Variants in KLF7 observed in about 807,000 individuals in gnomAD.
KLF7 encodes Krueppel-like factor 7.
In KLF7, 2 loss-of-function variants were observed where a neutral mutation model predicts 27.3. That is an observed-to-expected ratio of 0.07 (90% CI 0.03 to 0.23). KLF7 has a LOEUF of 0.23. KLF7 is among the 10% of genes least tolerant of loss of function. The pLI, the probability that KLF7 is intolerant of heterozygous loss-of-function variation, is 1.00. For synonymous variants in KLF7, 165 were observed against 162.4 expected, an observed-to-expected ratio of 1.02 and a Z score of -0.12; for missense variants, 221 against 394.1, an observed-to-expected ratio of 0.56 and a Z score of 3.72.
chr2:207,126,461 C>G lies in KLF7; in HGVS notation c.103-2057G>C, dbSNP rs368060815. On this transcript the variant is annotated intron_variant, in intron 1 of 3. Coordinates refer to ENST00000309446, the MANE Select transcript of KLF7 (RefSeq NM_003709.4). ...ACTCTTCAATAGCCATCTTTGAAACCCTACCCTGTACCATGCTGAGGGGGC... is the reference window on the plus strand; with the variant it reads ...ACTCTTCAATAGCCATCTTTGAAACGCTACCCTGTACCATGCTGAGGGGGC... Among the ~76,000 whole-genome samples, 22 of 152,234 alleles carry G rather than the reference C, an allele frequency of 1.4e-4. No homozygotes were observed. In the East Asian group the frequency reaches 3.5e-3, roughly 24 times the overall value.
chr2:207,154,456 A>G (rs536117024), intron 1 of KLF7, among the ~76,000 whole-genome samples: 3 of 152,330 alleles, frequency 2.0e-5, no homozygotes, highest in Admixed American at 6.5e-5. Flanking sequence ...CACAAAGGGT[A>G]TTGCTAGTCC....
At chr2:207,123,680 G>A in intron 2 of KLF7, 94 bp downstream of exon 2, 2 of 1,361,902 alleles carry the variant, frequency 1.5e-6, no homozygotes, top group Admixed American at 2.2e-5. Context: ...CATCAGCAGG[G>A]GTGCCACTCC....
At chr2:207,148,422 A>G (rs552072466) in intron 1 of KLF7, among the ~76,000 whole-genome samples, 1 of 152,248 alleles carries the variant, frequency 6.6e-6, no homozygotes, top group Non-Finnish European at 1.5e-5. Context: ...CCAAGCCACC[A>G]TGCGGTACTG....
chr2:207,095,515 T>C (rs570153137), intron 2 of KLF7, among the ~76,000 whole-genome samples: 1 of 152,356 alleles, frequency 6.6e-6, no homozygotes, highest in East Asian at 1.9e-4. Flanking sequence ...GAAAAGATTT[T>C]GACTGAATAC....
upstream of KLF7, among the ~76,000 whole-genome samples, chr2:207,168,451 A>C (rs1044705128): frequency 6.6e-6 from 1 of 152,210 alleles, no homozygotes; most frequent in South Asian, 2.1e-4. Context: ...AGGTCTCACA[A>C]CCTGGAAGTG....
rs912615612 is a variant in KLF7, at chr2:207,124,555, T to C, written c.103-151A>G. ...TTAGTAGAAGGTCTGACCTTGTTATTTATTCTCTGAATACCTCTGAAAGGT... is the reference window on the plus strand; with the variant it reads ...TTAGTAGAAGGTCTGACCTTGTTATCTATTCTCTGAATACCTCTGAAAGGT... On this transcript the variant is annotated intron_variant, in intron 1 of 3. Transcript: ENST00000309446. 1.6e-5 allele frequency: 11 copies of C among 706,094 alleles called. No individual in the cohort carries two copies. In the African/African-American group the frequency reaches 2.0e-4, roughly 13 times the overall value. The allele number at this position is 706,094 out of a possible 1,614,324, so 43.7% of individuals were successfully genotyped here.
chr2:207,158,563 C>A (rs1360500856), intron 1 of KLF7, among the ~76,000 whole-genome samples: 1 of 152,112 alleles, frequency 6.6e-6, no homozygotes, highest in African/African-American at 2.4e-5. Flanking sequence ...ACCACATATG[C>A]CCCACTGCAC....
At chr2:207,144,318 T>C (rs368284587) in intron 1 of KLF7, among the ~76,000 whole-genome samples, 2 of 152,214 alleles carry the variant, frequency 1.3e-5, no homozygotes, top group South Asian at 2.1e-4. Flanking sequence ...ACAAATGGGA[T>C]GCTCCTTCAT....
At chr2:207,172,047 T>C (rs1391651593), upstream of KLF7, among the ~76,000 whole-genome samples, 1 of 152,212 alleles carries the variant, frequency 6.6e-6, no homozygotes, top group African/African-American at 2.4e-5. Context: ...CACCCTGACA[T>C]ACTGAGTATT....
At chr2:207,150,058 A>G (rs937625820) in intron 1 of KLF7, among the ~76,000 whole-genome samples, 2 of 152,150 alleles carry the variant, frequency 1.3e-5, no homozygotes, top group Non-Finnish European at 1.5e-5. Flanking sequence ...GTTTTACCCA[A>G]AACCCAGACT....
At chr2:207,139,107 T>C (rs930820824) in intron 1 of KLF7, among the ~76,000 whole-genome samples, 6 of 152,206 alleles carry the variant, frequency 3.9e-5, no homozygotes, top group Middle Eastern at 3.2e-3. Flanking sequence ...CACGAGGTAC[T>C]GAATCAGAGA....
In KLF7 at chr2:207,094,897, A is replaced by G. The variant is rs917329319; in HGVS notation, c.734-6316T>C. ...ATAACTACTACATAAATTAAAATGT[A>G]CTCATTGATGATCCATGTGGCTTTT... On this transcript the variant is annotated intron_variant, in intron 2 of 3. Transcript: ENST00000309446. Among the ~76,000 whole-genome samples, 90 of 152,166 alleles carry G rather than the reference A, an allele frequency of 5.9e-4. 2 individuals carry two copies. The highest frequency in any genetic ancestry group is 1.8e-4 in the Non-Finnish European group (12 of 68,030).
chr2:207,162,116 G>T (rs1283108037), intron 1 of KLF7, among the ~76,000 whole-genome samples: 1 of 152,062 alleles, frequency 6.6e-6, no homozygotes, highest in Non-Finnish European at 1.5e-5. Context: ...TATTCAAGAA[G>T]AAAATAAAAG....
intron 1 of KLF7, among the ~76,000 whole-genome samples, chr2:207,133,489 C>T (rs1195108990): frequency 7.9e-5 from 12 of 152,182 alleles, no homozygotes; most frequent in Admixed American, 7.9e-4. Flanking sequence ...TCGTCAAGAG[C>T]CCAAGGACGT....
At chr2:207,155,183 T>G (rs1182041643) in intron 1 of KLF7, among the ~76,000 whole-genome samples, 1 of 152,196 alleles carries the variant, frequency 6.6e-6, no homozygotes, top group East Asian at 1.9e-4. Flanking sequence ...AATACGCATT[T>G]CATAGAGCTG....
chr2:207,126,905 T>C (rs1368744887), intron 1 of KLF7, among the ~76,000 whole-genome samples: 2 of 151,816 alleles, frequency 1.3e-5, no homozygotes, highest in East Asian at 1.9e-4. Flanking sequence ...TACTCAATCA[T>C]CACTGCCTGT....
rs750409032 is a variant in KLF7, at chr2:207,080,359, G to C, written c.*854C>G. 1 of 153,524 alleles carries C rather than the reference G, an allele frequency of 6.5e-6. No individual in the cohort carries two copies. Among genetic ancestry groups the C allele is most frequent in the Non-Finnish European group, 1.5e-5 (1 of 68,954 alleles). The allele number at this position is 153,524 out of a possible 1,614,324, so 9.5% of individuals were successfully genotyped here. On this transcript the variant is annotated 3_prime_UTR_variant, in exon 4 of 4. Coordinates refer to ENST00000309446, the MANE Select transcript of KLF7 (RefSeq NM_003709.4). ...AGGTGAGGCTCAAGGGATATACTGTGATTTATCATCAAGGACTTTATTCTC... is the reference window on the plus strand; with the variant it reads ...AGGTGAGGCTCAAGGGATATACTGTCATTTATCATCAAGGACTTTATTCTC...
chr2:207,104,911 A>T (rs2076845579), intron 2 of KLF7, among the ~76,000 whole-genome samples: 2 of 152,250 alleles, frequency 1.3e-5, no homozygotes, highest in Admixed American at 1.3e-4. Context: ...AAAAGGAATA[A>T]GCAAAGGAAT....
chr2:207,156,216 C>T (rs1185581997), intron 1 of KLF7, among the ~76,000 whole-genome samples: 2 of 152,200 alleles, frequency 1.3e-5, no homozygotes, highest in African/African-American at 4.8e-5. Context: ...GAAAAAGAGG[C>T]GTTTCTAAGG....
Sources: gnomAD v4.1 joint callset for allele counts (sites outside exome capture counted in the v4.1 genomes callset) on GRCh38, gnomAD v4.1.1 for gene constraint, MANE v1.5 for transcripts, NCBI Gene and HGNC (gene_info 2026-07-23, HGNC 2026-07-21) for gene names.